MPHOSPH6: variants seen among roughly 807,000 people sequenced by gnomAD.
MPHOSPH6 encodes M-phase phosphoprotein 6.
MPHOSPH6 carries 25 observed loss-of-function variants against 21.8 expected under a neutral mutation model. The ratio of observed to expected loss-of-function variants is 1.15; its 90% CI spans 0.83 to 1.60. The LOEUF is 1.60. Ranked by LOEUF, MPHOSPH6 falls within the 40% of genes most tolerant of loss-of-function variation. The pLI, the probability that MPHOSPH6 is intolerant of heterozygous loss-of-function variation, is 0.00. For synonymous variants in MPHOSPH6, 84 were observed against 56.5 expected (o/e 1.49, Z -2.18); for missense variants, 269 against 181.8 (o/e 1.48, Z -2.76).
intron 1 of MPHOSPH6, among the ~76,000 whole-genome samples, chr16:82,168,477 T>TCC (rs1236664792): frequency 6.6e-6 from 1 of 151,306 alleles, no homozygotes; most frequent in Non-Finnish European, 1.5e-5. Context: ...TCTCTCTTTT[T>TCC]TTTTTTTTTT....
intron 2 of MPHOSPH6, 30 bp downstream of exon 2, chr16:82,164,052 C>T: frequency 4.2e-6 from 6 of 1,435,492 alleles, no homozygotes; most frequent in Non-Finnish European, 5.9e-6. Flanking sequence ...ATGCCACAAG[C>T]ATCATCAGTA....
intron 2 of MPHOSPH6, among the ~76,000 whole-genome samples, chr16:82,160,705 C>T (rs1343148300): frequency 6.6e-6 from 1 of 152,174 alleles, no homozygotes; most frequent in Non-Finnish European, 1.5e-5. Flanking sequence ...CACGCCATCC[C>T]TCATAGGAGT....
At chr16:82,152,013 GC>G (rs1294078330) in intron 2 of MPHOSPH6, among the ~76,000 whole-genome samples, 4 of 152,140 alleles carry the variant, frequency 2.6e-5, no homozygotes, top group Non-Finnish European at 5.9e-5. Context: ...AATTATCAAA[GC>G]AGCACATTTT....
At position 82,169,063 on chromosome 16, in the gene MPHOSPH6, G is replaced by A. The variant is rs149599711; in HGVS notation, c.51+1062C>T. ...TAGTCACCTCAAAGTGTCATTATGT[G>A]AATTGCATAGGTTAATATACGCAAA... is the stretch of plus-strand genomic sequence containing the variant. On this transcript the variant is annotated intron_variant, in intron 1 of 4. Transcript: ENST00000258169. 3.9e-5 allele frequency among the ~76,000 whole-genome samples: 6 copies of A among 152,302 alleles called. No homozygotes were observed. In the East Asian group the frequency reaches 9.6e-4, roughly 24 times the overall value.
In MPHOSPH6 at chr16:82,170,139, G is replaced by A. The variant is rs745539698; in HGVS notation, c.37C>T (p.Leu13=). 1.3e-6 allele frequency: 2 copies of A among 1,594,026 alleles called. No individual in the cohort carries two copies. Among genetic ancestry groups the A allele is most frequent in the South Asian group, 1.1e-5 (1 of 89,014 alleles). ...CGTCCCCGCACCTTCATGCGCAGTA[G>A]ATTCTTGGACAACCTTGTCTTTCGC... ...AERKTRLSKN[L]LRMKFMQRGL... Residue 13 remains leucine, a synonymous_variant, in exon 1 of 5, where the codon CTA becomes TTA. Coordinates refer to ENST00000258169, the MANE Select transcript of MPHOSPH6 (RefSeq NM_005792.2).
At chr16:82,153,911 G>T (rs906294461) in intron 2 of MPHOSPH6, among the ~76,000 whole-genome samples, 2 of 152,268 alleles carry the variant, frequency 1.3e-5, no homozygotes, top group East Asian at 3.9e-4. Context: ...AAGGCCTTCT[G>T]TGTGTCAAAT....
chr16:82,156,074 A>AATGAT (rs1906419703), intron 2 of MPHOSPH6, among the ~76,000 whole-genome samples: 1 of 152,228 alleles, frequency 6.6e-6, no homozygotes, highest in South Asian at 2.1e-4. Context: ...CCATCTTGGC[A>AATGAT]TAGCCAATGA....
In MPHOSPH6 at chr16:82,164,081, C is replaced by G; in HGVS notation, c.164+1G>C. The G allele has an allele frequency of 6.3e-7, 1 of 1,598,264 alleles. No individual in the cohort carries two copies. Among genetic ancestry groups the G allele is most frequent in the Non-Finnish European group, 8.6e-7 (1 of 1,168,114 alleles). On this transcript the variant is annotated splice_donor_variant, in intron 2 of 4. Coordinates refer to ENST00000258169, the MANE Select transcript of MPHOSPH6 (RefSeq NM_005792.2). LOFTEE classifies it high-confidence loss of function. ...ATCAGTATCAATTTTAATAAACCTACTCTTTCTCTTTAAGCTCTGGCAAAT... is the reference window on the plus strand; with the variant it reads ...ATCAGTATCAATTTTAATAAACCTAGTCTTTCTCTTTAAGCTCTGGCAAAT...
At chr16:82,168,098 G>C (rs905337328) in intron 1 of MPHOSPH6, among the ~76,000 whole-genome samples, 2 of 150,802 alleles carry the variant, frequency 1.3e-5, no homozygotes, top group African/African-American at 4.9e-5. Context: ...CCAACGTCCA[G>C]TTGAGTCTCC....
intron 1 of MPHOSPH6, among the ~76,000 whole-genome samples, chr16:82,166,297 C>G (rs1015000383): frequency 2.0e-5 from 3 of 152,214 alleles, no homozygotes; most frequent in African/African-American, 7.2e-5. Context: ...GTGTGTACAT[C>G]CTCATCCCAG....
At chr16:82,168,532 G>T (rs11645045) in intron 1 of MPHOSPH6, among the ~76,000 whole-genome samples, 1 of 149,160 alleles carries the variant, frequency 6.7e-6, no homozygotes, top group Admixed American at 6.6e-5. Context: ...GTGCAGTGGC[G>T]CCATCTCAGC....
chr16:82,159,364 T>C (rs1396505813), intron 2 of MPHOSPH6, among the ~76,000 whole-genome samples: 1 of 152,218 alleles, frequency 6.6e-6, no homozygotes, highest in Admixed American at 6.5e-5. Context: ...ATAGTAAATA[T>C]TAACAAATAT....
At chr16:82,164,951 C>T (rs142180344) in intron 1 of MPHOSPH6, 1 of 151,984 alleles carries the variant, frequency 6.6e-6, no homozygotes, top group African/African-American at 2.4e-5. Context: ...CTTCAGGGAA[C>T]AAGTGAACAA....
At position 82,148,812 on chromosome 16, in the gene MPHOSPH6, G is replaced by T. The variant is rs929058446; in HGVS notation, c.402C>A (p.Asp134Glu). 3.7e-6 allele frequency: 6 copies of T among 1,613,900 alleles called. No homozygotes were observed. The African/African-American group carries it at 5.3e-5, about 14-fold the overall frequency. Residue 134 changes from aspartate (D) to glutamate (E), a missense_variant, in exon 5 of 5, where the codon GAC becomes GAA. By Grantham distance (45) the Asp-to-Glu change is conservative. Transcript: ENST00000258169. ...TIGKKFARKR[D>E]HANYEEDENG... is the part of the protein sequence containing the mutation. ...TTTCATCTTCTTCATAATTGGCATG[G>T]TCTCTCTTTCTGGCAAACTTTTTCC...
chr16:82,161,061 A>G (rs1274251428), intron 2 of MPHOSPH6, among the ~76,000 whole-genome samples: 1 of 152,196 alleles, frequency 6.6e-6, no homozygotes. Context: ...TGCTCCCATC[A>G]TATTTCTTCA....
chr16:82,154,127 GA>G (rs1456634020), intron 2 of MPHOSPH6, among the ~76,000 whole-genome samples: 1 of 152,042 alleles, frequency 6.6e-6, no homozygotes, highest in Non-Finnish European at 1.5e-5. Context: ...CATACCTGGG[GA>G]AAAAAAATTT....
At chr16:82,152,768 C>A (rs142496033) in intron 2 of MPHOSPH6, among the ~76,000 whole-genome samples, 1 of 152,174 alleles carries the variant, frequency 6.6e-6, no homozygotes, top group African/African-American at 2.4e-5. Context: ...TGAGTCACCA[C>A]CACATGACCG....
At chr16:82,160,205 T>G (rs1464777723) in intron 2 of MPHOSPH6, among the ~76,000 whole-genome samples, 1 of 152,154 alleles carries the variant, frequency 6.6e-6, no homozygotes, top group Non-Finnish European at 1.5e-5. Context: ...AATTACAGAG[T>G]TGGCAAGCAA....
chr16:82,169,262 C>T (rs1233291802), intron 1 of MPHOSPH6, among the ~76,000 whole-genome samples: 2 of 152,232 alleles, frequency 1.3e-5, no homozygotes, highest in African/African-American at 4.8e-5. Context: ...TAGTACTTGC[C>T]TTCCAGACAT....
Sources: gnomAD v4.1 joint callset for allele counts (sites outside exome capture counted in the v4.1 genomes callset) on GRCh38, gnomAD v4.1.1 for gene constraint, MANE v1.5 for transcripts, NCBI Gene and HGNC (gene_info 2026-07-23, HGNC 2026-07-21) for gene names.